The following SPTBN5 variants were observed in gnomAD, a reference collection of about 807,000 sequenced individuals.
The protein encoded by SPTBN5 is spectrin beta, non-erythrocytic 5, also known as spectrin beta chain, non-erythrocytic 5.
Under a neutral mutation model 477.6 loss-of-function variants are expected in SPTBN5, and 513 were observed. The ratio of observed to expected loss-of-function variants is 1.07; its 90% CI spans 1.00 to 1.16. The LOEUF is 1.16. SPTBN5 is among the 50% of genes most tolerant of loss of function. The pLI, the probability that SPTBN5 is intolerant of heterozygous loss-of-function variation, is 0.00. For missense variants in SPTBN5, 5,062 were observed against 4,731.8 expected (o/e 1.07, Z -2.05); for synonymous variants, 2,169 against 2,011.7 (o/e 1.08, Z -2.09).
At position 41,870,150 on chromosome 15, in the gene SPTBN5, C is replaced by T. The variant is rs1039169743; in HGVS notation, c.5673+93G>A. On this transcript the variant is annotated intron_variant, in intron 31 of 67. Transcript: ENST00000320955. ...CCATGCACAGGAGGCCCATGGGAGG[C>T]CCTGAGGGACAGTGGAAAATCTAGA... 158 of 1,467,494 alleles carry T rather than the reference C, an allele frequency of 1.1e-4. No individual in the cohort carries two copies. The Middle Eastern group carries it at 1.3e-3, about 12-fold the overall frequency. 90.9% of individuals were successfully genotyped at this position (1,467,494 alleles called of 1,614,324 possible).
chr15:41,853,738 G>T lies in SPTBN5; in HGVS notation c.9824C>A (p.Ala3275Asp), dbSNP rs1197660. 1.3e-6 allele frequency: 2 copies of T among 1,583,570 alleles called. No individual in the cohort carries two copies. The highest frequency in any genetic ancestry group is 1.8e-5 in the Admixed American group (1 of 55,986). Residue 3275 changes from alanine (A) to aspartate (D), a missense_variant, in exon 58 of 68, where the codon GCC (alanine) becomes GAC (aspartate). Coordinates refer to ENST00000320955, the MANE Select transcript of SPTBN5 (RefSeq NM_016642.4). ...EKEVARLQTE[A>D]CRLGQLHPAA... ...AGGATGTAGCTGGCCCAGTCGGCAG[G>T]CCTCCGTCTGTAGCCGTGCCACCTC...
Position 41,862,275 on chromosome 15 carries a change from G to T in SPTBN5, c.7403C>A (p.Ala2468Asp). 1 of 1,604,914 alleles carries T rather than the reference G, an allele frequency of 6.2e-7. No homozygotes were observed. Among genetic ancestry groups the T allele is most frequent in the Non-Finnish European group, 8.5e-7 (1 of 1,175,516 alleles). Residue 2468 changes from alanine (A) to aspartate (D), a missense_variant, in exon 44 of 68, where the codon GCC becomes GAC. By Grantham distance (126) the Ala-to-Asp change is moderately radical. Coordinates refer to ENST00000320955, the MANE Select transcript of SPTBN5 (RefSeq NM_016642.4). ...RAQKRREALD[A>D]LHQAQKLQAM... ...CTGGAGTTTCTGAGCTTGGTGCAAGGCATCCAGCGCCTCCCTCCTGCCCAC... is the reference window on the plus strand; with the variant it reads ...CTGGAGTTTCTGAGCTTGGTGCAAGTCATCCAGCGCCTCCCTCCTGCCCAC...
At chr15:41,890,779 C>T (rs1480870106) in intron 3 of SPTBN5, among the ~76,000 whole-genome samples, 1 of 152,224 alleles carries the variant, frequency 6.6e-6, no homozygotes, top group Admixed American at 6.5e-5. Context: ...TTGGGTGGCT[C>T]TTAGGTACAC....
rs1248791666 is a variant in SPTBN5, at chr15:41,870,480, T to C, written c.5528A>G (p.His1843Arg). The C allele has an allele frequency of 6.2e-7, 1 of 1,613,294 alleles. No homozygotes were observed. Residue 1843 changes from histidine to arginine, a missense_variant, in exon 30 of 68, where the codon CAC becomes CGC. Transcript: ENST00000320955. ...GGTGAGGACTTCCAAGAGATCTCTG[T>C]GAACTCTGAGGGTGGTCTCGGTGTC... ...LRDTETTLRV[H>R]RDLLEVLTQV... is the part of the protein sequence containing the mutation.
intron 19 of SPTBN5, 31 bp downstream of exon 19, chr15:41,876,778 T>A: frequency 1.9e-6 from 3 of 1,608,482 alleles, no homozygotes; most frequent in Non-Finnish European, 2.5e-6. Context: ...AAGGGTCATC[T>A]GCAGGTGCTG....
At chr15:41,882,777 C>G (rs369820829) in intron 9 of SPTBN5, 39 bp from the exon 10 acceptor site, 946 of 1,591,852 alleles carry the variant, frequency 5.9e-4, no homozygotes, top group Admixed American at 1.3e-3. Context: ...CATGGGGAGT[C>G]GTGAGGCATG....
At position 41,887,247 on chromosome 15, in the gene SPTBN5, T is replaced by C. The variant is rs1401627519; in HGVS notation, c.854A>G (p.His285Arg). ...SLYYHYCSRL[H>R]QGQTVQRRLT... ...TCTCCTCTGGACAGTCTGCCCCTGA[T>C]GCAGGCGGGAGCAGTAGTGGTAGTA... is the stretch of plus-strand genomic sequence containing the variant. The change falls in exon 6 of 68, where the codon CAT (histidine) becomes CGT (arginine). Residue 285 changes from histidine to arginine, a missense_variant. By Grantham distance (29) the His-to-Arg change is conservative. Transcript: ENST00000320955. 1.3e-6 allele frequency: 2 copies of C among 1,551,308 alleles called. No individual in the cohort carries two copies. The highest frequency in any genetic ancestry group is 2.0e-5 in the Admixed American group (1 of 50,982).
chr15:41,882,630 C>T lies in SPTBN5; in HGVS notation c.2001G>A (p.Leu667=), dbSNP rs1300894283. Residue 667 remains leucine, a synonymous_variant, in exon 10 of 68, where the codon CTG becomes CTA. Transcript: ENST00000320955. ...ECGQRVGNAA[L]GRDLSQIAGA... ...CTGCGATCTGGCTGAGATCCCGGCC[C>T]AGGGCCGCATTCCCCACCCGCTGTC... 6.2e-7 allele frequency: 1 copy of T among 1,607,474 alleles called. No homozygotes were observed. Among genetic ancestry groups the T allele is most frequent in the Non-Finnish European group, 8.5e-7 (1 of 1,177,792 alleles).
intron 56 of SPTBN5, 88 bp from the exon 57 acceptor site, chr15:41,854,293 CT>C: frequency 1.4e-6 from 2 of 1,464,696 alleles, no homozygotes; most frequent in Non-Finnish European, 1.8e-6. Flanking sequence ...GGGCCACCTC[CT>C]TTTGAACAAG....
chr15:41,857,875 A>G (rs935839516), intron 49 of SPTBN5, among the ~76,000 whole-genome samples, 165 bp from the exon 50 acceptor site: 2 of 152,260 alleles, frequency 1.3e-5, no homozygotes, highest in Admixed American at 1.3e-4. Context: ...CATCCGTATC[A>G]TAGAGAAAAT....
chr15:41,851,686 G>T, intron 63 of SPTBN5, 93 bp downstream of exon 63: 1 of 975,862 alleles, frequency 1.0e-6, no homozygotes, highest in Non-Finnish European at 1.6e-6. Flanking sequence ...CAAGTTCACA[G>T]TGCAAGGGTG....
chr15:41,854,684 G>A, intron 56 of SPTBN5, 98 bp downstream of exon 56: 2 of 1,054,326 alleles, frequency 1.9e-6, no homozygotes, highest in South Asian at 3.8e-5. Flanking sequence ...AGCAGGGTGT[G>A]TGTCTTGTTG....
At chr15:41,853,941 C>T in intron 57 of SPTBN5, 109 bp downstream of exon 57, 1 of 1,453,640 alleles carries the variant, frequency 6.9e-7, no homozygotes, top group East Asian at 2.5e-5. Context: ...ATCTGGGTTT[C>T]TGGAGAAGAG....
At chr15:41,868,730 G>A (rs981693111) in intron 32 of SPTBN5, 129 bp from the exon 33 acceptor site, 6 of 814,972 alleles carry the variant, frequency 7.4e-6, no homozygotes, top group Non-Finnish European at 9.7e-6. Flanking sequence ...TCAGGGCCTC[G>A]GGTGAGGCAC....
At chr15:41,851,720 C>A in intron 63 of SPTBN5, 59 bp downstream of exon 63, 1 of 1,336,486 alleles carries the variant, frequency 7.5e-7, no homozygotes. Flanking sequence ...GCTCTTCGAG[C>A]CACTCAAGTG....
chr15:41,886,102 A>G lies in SPTBN5; in HGVS notation c.1153T>C (p.Phe385Leu), dbSNP rs2140966143. ...TALQAQNRRPFLPHEGLGLAE... is the reference protein window; with the variant it reads ...TALQAQNRRPLLPHEGLGLAE... The stretch of plus-strand genomic sequence containing the variant: ...AGGCCCAGGCCCTCATGAGGCAGGA[A>G]GGGCCTGCGGTTCTGGGCTTGGAGT... Residue 385 changes from phenylalanine (F) to leucine (L), a missense_variant, in exon 7 of 68, where the codon TTC becomes CTC. By Grantham distance (22) the Phe-to-Leu change is conservative (BLOSUM62 0). Transcript: ENST00000320955. 6.2e-7 allele frequency: 1 copy of G among 1,609,152 alleles called. No homozygotes were observed. The highest frequency in any genetic ancestry group is 1.1e-5 in the South Asian group (1 of 90,790).
chr15:41,865,625 T>C (rs542806776), intron 39 of SPTBN5, among the ~76,000 whole-genome samples, 183 bp downstream of exon 39: 27 of 152,346 alleles, frequency 1.8e-4, no homozygotes, highest in African/African-American at 6.0e-4. Context: ...CTGAGGTGGG[T>C]GCTACCCCCA....
At chr15:41,877,928 G>A (rs922174318) in intron 17 of SPTBN5, among the ~76,000 whole-genome samples, 2 of 152,252 alleles carry the variant, frequency 1.3e-5, no homozygotes, top group East Asian at 1.9e-4. Context: ...GAGGAGAGGC[G>A]CCACCTTACT....
At chr15:41,871,587 G>T in intron 28 of SPTBN5, 67 bp from the exon 29 acceptor site, 1 of 1,407,592 alleles carries the variant, frequency 7.1e-7, no homozygotes, top group South Asian at 1.6e-5. Flanking sequence ...CCTGGGAATC[G>T]AGGCACCTCA....
Sources: gnomAD v4.1 joint callset for allele counts (sites outside exome capture counted in the v4.1 genomes callset) on GRCh38, gnomAD v4.1.1 for gene constraint, MANE v1.5 for transcripts, NCBI Gene and HGNC (gene_info 2026-07-23, HGNC 2026-07-21) for gene names.